Variants in MGAT4C observed in about 807,000 individuals in gnomAD.
MGAT4C encodes the protein alpha-1,3-mannosyl-glycoprotein 4-beta-N-acetylglucosaminyltransferase C.
MGAT4C carries 19 observed loss-of-function variants against 40.1 expected under a neutral mutation model. The ratio of observed to expected loss-of-function variants is 0.47; its 90% confidence interval spans 0.33 to 0.70. The LOEUF (loss-of-function observed/expected upper bound fraction) is 0.70. Ranked by LOEUF, MGAT4C falls within the 30% of genes least tolerant of loss-of-function variation. MGAT4C has a pLI of 0.02. For missense variants in MGAT4C, 491 were observed against 563.2 expected, an observed-to-expected ratio of 0.87 and a Z score of 1.30; for synonymous variants, 181 against 187.1, an observed-to-expected ratio of 0.97 and a Z score of 0.27.
intron 3 of MGAT4C, among the ~76,000 whole-genome samples, chr12:86,352,096 C>T (rs991947817): frequency 1.3e-5 from 2 of 151,968 alleles, no homozygotes; most frequent in African/African-American, 2.4e-5. Context: ...TTAATTGATA[C>T]TTATTTGAAA....
At chr12:86,288,805 A>G (rs1023368925) in intron 4 of MGAT4C, among the ~76,000 whole-genome samples, 3 of 151,996 alleles carry the variant, frequency 2.0e-5, no homozygotes, top group African/African-American at 7.3e-5. Context: ...GAGATTCCAG[A>G]TATTAGACCT....
intron 2 of MGAT4C, among the ~76,000 whole-genome samples, chr12:86,045,003 G>T (rs1592768216): frequency 6.6e-6 from 1 of 152,180 alleles, no homozygotes; most frequent in Non-Finnish European, 1.5e-5. Context: ...AAGAGTTGTT[G>T]GGGGCCAGGA....
intron 2 of MGAT4C, among the ~76,000 whole-genome samples, chr12:86,665,399 C>T (rs1964079027): frequency 2.0e-5 from 3 of 150,920 alleles, no homozygotes; most frequent in South Asian, 2.1e-4. Context: ...TTTTTTGAGA[C>T]GGAGCCTTGC....
At chr12:86,449,199 TATA>T (rs1332657286) in intron 2 of MGAT4C, among the ~76,000 whole-genome samples, 1 of 152,170 alleles carries the variant, frequency 6.6e-6, no homozygotes, top group African/African-American at 2.4e-5. Context: ...AATTTTCAGT[TATA>T]ATATTTATGG....
chr12:86,152,612 T>C (rs988002551), intron 1 of MGAT4C, among the ~76,000 whole-genome samples: 2 of 152,202 alleles, frequency 1.3e-5, no homozygotes, highest in African/African-American at 4.8e-5. Context: ...GGATTTCTCT[T>C]TTCCCATCGT....
At chr12:86,688,893 C>T (rs2162672) in intron 2 of MGAT4C, among the ~76,000 whole-genome samples, 132,204 of 152,118 alleles carry the variant, frequency 0.87, 58,277 homozygotes, top group Middle Eastern at 0.95. Context: ...TGTTGGCCTG[C>T]CTTGCTAGGT....
chr12:86,243,841 C>T (rs1951900795), intron 1 of MGAT4C, among the ~76,000 whole-genome samples: 1 of 152,164 alleles, frequency 6.6e-6, no homozygotes, highest in Admixed American at 6.5e-5. Flanking sequence ...ATATCACTGG[C>T]CCAATGAAAC....
chr12:86,429,246 A>G (rs1312620918), intron 3 of MGAT4C, among the ~76,000 whole-genome samples: 1 of 152,112 alleles, frequency 6.6e-6, no homozygotes, highest in East Asian at 1.9e-4. Flanking sequence ...CATGTTGCTT[A>G]ATTTCCATAT....
chr12:86,348,458 AT>A (rs1287103451), intron 3 of MGAT4C, among the ~76,000 whole-genome samples: 1 of 151,592 alleles, frequency 6.6e-6, no homozygotes, highest in African/African-American at 2.4e-5. Flanking sequence ...TCTTGTTGCT[AT>A]GCATTTCTCT....
intron 2 of MGAT4C, 25 bp from the exon 3 acceptor site, chr12:85,989,577 C>CT (rs759459344): frequency 6.4e-7 from 1 of 1,554,300 alleles, no homozygotes; most frequent in Non-Finnish European, 8.7e-7. Context: ...CACAGAATTA[C>CT]TAGCAGTTGG....
At chr12:86,114,816 T>A (rs1398177739) in intron 1 of MGAT4C, among the ~76,000 whole-genome samples, 1 of 151,998 alleles carries the variant, frequency 6.6e-6, no homozygotes, top group Non-Finnish European at 1.5e-5. Flanking sequence ...TTCCTTTTTT[T>A]TATTATGGTT....
At chr12:86,737,173 T>C (rs541907343) in intron 1 of MGAT4C, among the ~76,000 whole-genome samples, 3 of 151,592 alleles carry the variant, frequency 2.0e-5, no homozygotes, top group Admixed American at 1.3e-4. Context: ...TATTTTCTTT[T>C]GGGTCAACTA....
chr12:86,389,692 C>G (rs1166139059), intron 3 of MGAT4C, among the ~76,000 whole-genome samples: 1 of 152,142 alleles, frequency 6.6e-6, no homozygotes, highest in Non-Finnish European at 1.5e-5. Context: ...TAAGGTGAAT[C>G]TCACTGAAAC....
chr12:86,183,259 A>T (rs1056478164), intron 1 of MGAT4C, among the ~76,000 whole-genome samples: 1 of 152,026 alleles, frequency 6.6e-6, no homozygotes, highest in Admixed American at 6.6e-5. Flanking sequence ...CTTTCAATGG[A>T]CTCAGCATCT....
intron 2 of MGAT4C, among the ~76,000 whole-genome samples, chr12:86,692,756 G>A (rs1204481205): frequency 6.6e-6 from 1 of 152,142 alleles, no homozygotes. Context: ...TACAGTCTTG[G>A]TTTATGAAAA....
intron 1 of MGAT4C, among the ~76,000 whole-genome samples, chr12:86,149,785 A>G (rs576161346): frequency 9.5e-4 from 144 of 152,372 alleles, no homozygotes; most frequent in African/African-American, 3.3e-3. Flanking sequence ...ATGAAAATTT[A>G]TCTTCAAATA....
At chr12:86,778,172 G>A (rs1951776184) in intron 1 of MGAT4C, among the ~76,000 whole-genome samples, 1 of 152,092 alleles carries the variant, frequency 6.6e-6, no homozygotes, top group Non-Finnish European at 1.5e-5. Context: ...GAAAGATAAG[G>A]ATAATGTATT....
At chr12:86,487,494 A>G (rs1379145860) in intron 2 of MGAT4C, among the ~76,000 whole-genome samples, 2 of 152,192 alleles carry the variant, frequency 1.3e-5, no homozygotes, top group Non-Finnish European at 2.9e-5. Context: ...TTACCAATTT[A>G]GAAAACAAGT....
At chr12:86,615,740 A>G (rs1247541789) in intron 2 of MGAT4C, among the ~76,000 whole-genome samples, 1 of 152,060 alleles carries the variant, frequency 6.6e-6, no homozygotes, top group Non-Finnish European at 1.5e-5. Context: ...CAAATCCATG[A>G]CCCTGTGAAA....
Sources: allele counts gnomAD v4.1 joint callset (sites outside exome capture counted in the v4.1 genomes callset), GRCh38; gene constraint gnomAD v4.1.1; transcripts MANE v1.5; gene names NCBI Gene and HGNC (gene_info 2026-07-23, HGNC 2026-07-21).